MIPOL1: variants seen among roughly 807,000 people sequenced by gnomAD.
MIPOL1 encodes the protein mirror-image polydactyly gene 1 protein.
MIPOL1 carries 57 observed loss-of-function variants against 60.9 expected under a neutral mutation model. That is an observed-to-expected ratio of 0.94 (90% CI 0.76 to 1.17). The LOEUF is 1.17. Ranked by LOEUF, MIPOL1 falls within the 50% of genes most tolerant of loss-of-function variation. The probability of loss-of-function intolerance (pLI) is 0.00; values close to 1 mark genes in which losing one functional copy is unlikely to be tolerated. For synonymous variants in MIPOL1, 179 were observed against 168.8 expected (o/e 1.06, Z -0.47); for missense variants, 551 against 511.6 (o/e 1.08, Z -0.74).
intron 10 of MIPOL1, among the ~76,000 whole-genome samples, chr14:37,416,825 C>A (rs1249365540): frequency 6.6e-6 from 1 of 152,108 alleles, no homozygotes; most frequent in Non-Finnish European, 1.5e-5. Context: ...TTCAGGGTAC[C>A]AGCTAGATCC....
chr14:37,408,515 G>A (rs1184549861), intron 10 of MIPOL1, among the ~76,000 whole-genome samples: 3 of 151,912 alleles, frequency 2.0e-5, no homozygotes, highest in East Asian at 1.9e-4. Context: ...CTATAGTCCC[G>A]GCTACCCAGG....
At chr14:37,310,433 G>A (rs955934676) in intron 9 of MIPOL1, among the ~76,000 whole-genome samples, 2 of 152,006 alleles carry the variant, frequency 1.3e-5, no homozygotes, top group African/African-American at 4.8e-5. Flanking sequence ...GATAACTTCT[G>A]CATGCCCACA....
chr14:37,517,704 G>T (rs1281813930), intron 12 of MIPOL1, among the ~76,000 whole-genome samples: 1 of 152,100 alleles, frequency 6.6e-6, no homozygotes, highest in Non-Finnish European at 1.5e-5. Flanking sequence ...AAAGAATAAG[G>T]ACGATATCTA....
At chr14:37,509,898 T>C (rs1195466059) in intron 12 of MIPOL1, among the ~76,000 whole-genome samples, 1 of 151,654 alleles carries the variant, frequency 6.6e-6, no homozygotes, top group Non-Finnish European at 1.5e-5. Context: ...ACTGTAGAAA[T>C]GCTCTGTTCC....
intron 4 of MIPOL1, 41 bp from the exon 5 acceptor site, chr14:37,268,616 GT>G: frequency 6.7e-7 from 1 of 1,487,458 alleles, no homozygotes; most frequent in African/African-American, 1.4e-5. Flanking sequence ...CAAAAAATTA[GT>G]TTATCTTACT....
chr14:37,324,656 T>C (rs1420271017), intron 9 of MIPOL1, among the ~76,000 whole-genome samples: 1 of 152,142 alleles, frequency 6.6e-6, no homozygotes. Flanking sequence ...ACAGCTTGTT[T>C]TCCTCTACAG....
chr14:37,226,187 C>T (rs1447552119), intron 1 of MIPOL1, among the ~76,000 whole-genome samples: 3 of 152,154 alleles, frequency 2.0e-5, no homozygotes, highest in African/African-American at 7.2e-5. Context: ...CTGTTCCAAC[C>T]CCTGAGTATT....
chr14:37,414,306 A>G (rs1302865209), intron 10 of MIPOL1, among the ~76,000 whole-genome samples: 1 of 152,152 alleles, frequency 6.6e-6, no homozygotes, highest in Non-Finnish European at 1.5e-5. Context: ...CCAAAATGTA[A>G]GAGATTTCTA....
intron 10 of MIPOL1, among the ~76,000 whole-genome samples, chr14:37,405,902 T>G (rs1358823162): frequency 6.8e-4 from 103 of 150,634 alleles, no homozygotes; most frequent in East Asian, 2.1e-3. Flanking sequence ...TTTTAAGAGT[T>G]TTTTTTTTTT....
chr14:37,277,925 CCTG>C (rs2083802515), intron 6 of MIPOL1: 1 of 151,322 alleles, frequency 6.6e-6, no homozygotes. Context: ...TAAAATTTCA[CCTG>C]CTATTTTATA....
chr14:37,374,353 T>C (rs925916366), intron 10 of MIPOL1, among the ~76,000 whole-genome samples: 1 of 152,190 alleles, frequency 6.6e-6, no homozygotes, highest in African/African-American at 2.4e-5. Context: ...ACTCTGATGG[T>C]AGTTTCTTTT....
At chr14:37,285,111 T>C (rs1359507342) in intron 6 of MIPOL1, among the ~76,000 whole-genome samples, 1 of 152,226 alleles carries the variant, frequency 6.6e-6, no homozygotes, top group African/African-American at 2.4e-5. Context: ...AATTTTTGCT[T>C]TAAATTTTTT....
At chr14:37,475,964 G>A (rs1446073425) in intron 11 of MIPOL1, among the ~76,000 whole-genome samples, 7 of 152,192 alleles carry the variant, frequency 4.6e-5, no homozygotes, top group Non-Finnish European at 7.4e-5. Context: ...ATAATTTGCT[G>A]GAATTTTTAT....
chr14:37,371,449 T>C (rs765979729), intron 10 of MIPOL1, among the ~76,000 whole-genome samples: 1 of 152,186 alleles, frequency 6.6e-6, no homozygotes, highest in Non-Finnish European at 1.5e-5. Context: ...TTGACAAATA[T>C]ACTATATTAA....
chr14:37,509,886 A>G (rs1170438839), intron 12 of MIPOL1, among the ~76,000 whole-genome samples: 1 of 151,608 alleles, frequency 6.6e-6, no homozygotes, highest in Non-Finnish European at 1.5e-5. Flanking sequence ...TTAAATTAAG[A>G]AACTGTAGAA....
At chr14:37,498,035 T>C (rs917439396) in intron 11 of MIPOL1, among the ~76,000 whole-genome samples, 2 of 152,202 alleles carry the variant, frequency 1.3e-5, no homozygotes. Context: ...CATATGTATA[T>C]AACAGAATAT....
At chr14:37,356,712 A>G (rs963526231) in intron 9 of MIPOL1, among the ~76,000 whole-genome samples, 2 of 151,976 alleles carry the variant, frequency 1.3e-5, no homozygotes, top group African/African-American at 4.8e-5. Flanking sequence ...CGGAAAGGGA[A>G]CTCCCTGACC....
intron 10 of MIPOL1, among the ~76,000 whole-genome samples, chr14:37,403,365 A>G (rs547608881): frequency 6.9e-6 from 1 of 144,168 alleles, no homozygotes; most frequent in South Asian, 2.3e-4. Context: ...TTTTATAATT[A>G]TGTAAATGTT....
intron 9 of MIPOL1, among the ~76,000 whole-genome samples, chr14:37,342,257 T>A (rs991827801): frequency 3.3e-5 from 5 of 151,748 alleles, no homozygotes. Context: ...TTTGGGAGGC[T>A]GAGACAGGAG....
Sources: allele counts gnomAD v4.1 joint callset (sites outside exome capture counted in the v4.1 genomes callset), GRCh38; gene constraint gnomAD v4.1.1; transcripts MANE v1.5; gene names NCBI Gene and HGNC (gene_info 2026-07-23, HGNC 2026-07-21).